The following NTM variants were observed in gnomAD, a reference collection of about 807,000 sequenced individuals.
The protein encoded by NTM is neurotrimin, also known as IgLON family member 2.
Under a neutral mutation model 42.1 loss-of-function variants are expected in NTM, and 13 were observed. The observed-to-expected ratio is 0.31, with a 90% CI of 0.20 to 0.49. The LOEUF (loss-of-function observed/expected upper bound fraction) is 0.49, where lower values mean the gene tolerates loss of function less well. Ranked by LOEUF, NTM falls within the 20% of genes least tolerant of loss-of-function variation. NTM has a pLI of 0.99. For missense variants in NTM, 373 were observed against 452.8 expected (o/e 0.82, Z 1.60); for synonymous variants, 187 against 179.2 (o/e 1.04, Z -0.35).
Position 132,300,695 on chromosome 11 carries a change from C to T in NTM, c.527-6994C>T, listed in dbSNP as rs112762548. Reference sequence around the variant, plus strand: ...GTAGCTCCCATGTCCCCAGCCTTGTCTAGCTTAGCGGCACAGATTTGCATT... The same window carrying T: ...GTAGCTCCCATGTCCCCAGCCTTGTTTAGCTTAGCGGCACAGATTTGCATT... On this transcript the variant is annotated intron_variant, in intron 4 of 8. Coordinates refer to ENST00000683400, the MANE Select transcript of NTM (RefSeq NM_001352005.2). Among the ~76,000 whole-genome samples the T allele has an allele frequency of 9.8e-3, 1,487 of 152,316 alleles. 18 individuals carry two copies. The highest frequency in any genetic ancestry group is 0.034 in the Middle Eastern group (10 of 294).
chr11:132,314,026 T>C (rs2095356222), intron 6 of NTM, among the ~76,000 whole-genome samples: 1 of 151,980 alleles, frequency 6.6e-6, no homozygotes, highest in African/African-American at 2.4e-5. Context: ...GCCAAAAAAT[T>C]AAGTATTATC....
intron 2 of NTM, among the ~76,000 whole-genome samples, chr11:132,105,924 T>A (rs2062316244): frequency 6.6e-6 from 1 of 152,146 alleles, no homozygotes; most frequent in African/African-American, 2.4e-5. Flanking sequence ...TAGAGAACCT[T>A]GTAACTCCCT....
chr11:131,778,126 C>A (rs1043853027), intron 1 of NTM, among the ~76,000 whole-genome samples: 1 of 152,200 alleles, frequency 6.6e-6, no homozygotes, highest in African/African-American at 2.4e-5. Flanking sequence ...TAAACCTGGG[C>A]TGTTCAATAA....
chr11:131,638,668 T>C (rs573911601), intron 1 of NTM, among the ~76,000 whole-genome samples: 1 of 150,372 alleles, frequency 6.7e-6, no homozygotes, highest in Non-Finnish European at 1.5e-5. Flanking sequence ...CTTCAAGTCA[T>C]ACCATTATGA....
intron 1 of NTM, among the ~76,000 whole-genome samples, chr11:131,420,949 A>G (rs919826096): frequency 6.6e-6 from 1 of 151,816 alleles, no homozygotes; most frequent in East Asian, 1.9e-4. Context: ...CTTCCCACCC[A>G]TTCTCTAGCC....
intron 7 of NTM, chr11:132,317,520 C>T (rs2095461598): frequency 2.6e-6 from 1 of 389,654 alleles, no homozygotes; most frequent in Non-Finnish European, 4.5e-6. Context: ...TTCTGTCTTC[C>T]TTTTTTTTAT....
chr11:131,426,828 G>A (rs113964104), intron 1 of NTM, among the ~76,000 whole-genome samples: 9 of 152,254 alleles, frequency 5.9e-5, no homozygotes, highest in African/African-American at 2.2e-4. Flanking sequence ...AAGCAGTGGA[G>A]TAAATTGAGT....
At chr11:131,466,490 G>A (rs2136146481) in intron 1 of NTM, among the ~76,000 whole-genome samples, 1 of 152,310 alleles carries the variant, frequency 6.6e-6, no homozygotes, top group South Asian at 2.1e-4. Context: ...TGGGAAAAGT[G>A]ACAACTAAGG....
At chr11:132,140,147 C>T (rs961512744) in intron 2 of NTM, among the ~76,000 whole-genome samples, 5 of 152,172 alleles carry the variant, frequency 3.3e-5, no homozygotes, top group African/African-American at 1.2e-4. Flanking sequence ...GAGATAACCT[C>T]TCTGAGGCCT....
intron 1 of NTM, among the ~76,000 whole-genome samples, chr11:131,391,962 T>C (rs547564555): frequency 9.8e-5 from 15 of 152,334 alleles, no homozygotes; most frequent in Admixed American, 2.6e-4. Context: ...GATGCAATAG[T>C]TGAAGTCAGA....
intron 6 of NTM, chr11:132,312,737 C>CG (rs1230131547): frequency 1.9e-5 from 3 of 154,912 alleles, no homozygotes; most frequent in Non-Finnish European, 4.4e-5. Flanking sequence ...GGTGTCAAAA[C>CG]GGCCAGTGGG....
intron 1 of NTM, among the ~76,000 whole-genome samples, chr11:131,705,779 G>T (rs2076534017): frequency 6.6e-6 from 1 of 151,954 alleles, no homozygotes; most frequent in Non-Finnish European, 1.5e-5. Context: ...GATTAAAATA[G>T]GTTTATAACT....
chr11:131,619,209 C>A (rs562390132), intron 1 of NTM, among the ~76,000 whole-genome samples: 1 of 152,122 alleles, frequency 6.6e-6, no homozygotes, highest in South Asian at 2.1e-4. Flanking sequence ...AGTGGCAAAG[C>A]CCGAATAAGG....
intron 4 of NTM, among the ~76,000 whole-genome samples, chr11:132,241,077 A>T (rs1409919734): frequency 6.6e-6 from 1 of 152,242 alleles, no homozygotes; most frequent in Non-Finnish European, 1.5e-5. Context: ...TATAAAGTAT[A>T]TATGAAACAT....
Position 131,478,701 on chromosome 11 carries a change from T to G in NTM, c.82+107813T>G, listed in dbSNP as rs564558378. Among the ~76,000 whole-genome samples, 21 of 152,338 alleles carry G rather than the reference T, an allele frequency of 1.4e-4. No individual in the cohort carries two copies. In the East Asian group the frequency reaches 3.3e-3, roughly 24 times the overall value. ...AAAAGTGATGTTCCCATTGAATTTC[T>G]TCACCACACAGCTCTATAGGAAGAG... is the stretch of plus-strand genomic sequence containing the variant. On this transcript the variant is annotated intron_variant, in intron 1 of 8. Coordinates refer to ENST00000683400, the MANE Select transcript of NTM (RefSeq NM_001352005.2).
chr11:132,280,872 T>A (rs3133886), intron 4 of NTM, among the ~76,000 whole-genome samples: 5 of 152,048 alleles, frequency 3.3e-5, no homozygotes, highest in Non-Finnish European at 5.9e-5. Flanking sequence ...CAAAGCCACC[T>A]ATAGCTAGCT....
At chr11:131,438,589 T>G (rs1401577541) in intron 1 of NTM, among the ~76,000 whole-genome samples, 1 of 152,236 alleles carries the variant, frequency 6.6e-6, no homozygotes, top group Non-Finnish European at 1.5e-5. Context: ...TTGAAGTTTG[T>G]GCATGTGTCA....
intron 2 of NTM, among the ~76,000 whole-genome samples, chr11:132,074,754 G>A (rs1022239753): frequency 4.6e-5 from 7 of 152,170 alleles, no homozygotes; most frequent in Non-Finnish European, 1.5e-5. Context: ...GAAACTTACA[G>A]CTACACAGTA....
intron 1 of NTM, among the ~76,000 whole-genome samples, chr11:131,429,352 C>T (rs1185895177): frequency 2.0e-5 from 3 of 152,096 alleles, no homozygotes; most frequent in African/African-American, 4.8e-5. Flanking sequence ...ACCCCCCGCC[C>T]AGCCTCAGGG....
Sources: gnomAD v4.1 joint callset for allele counts (sites outside exome capture counted in the v4.1 genomes callset) on GRCh38, gnomAD v4.1.1 for gene constraint, MANE v1.5 for transcripts, NCBI Gene and HGNC (gene_info 2026-07-23, HGNC 2026-07-21) for gene names.